ITGB7: variants seen among roughly 807,000 people sequenced by gnomAD.
ITGB7 encodes the protein integrin beta-7.
A neutral mutation model predicts 83.4 loss-of-function variants in ITGB7; 55 were observed. The observed-to-expected ratio is 0.66, with a 90% CI of 0.53 to 0.83. ITGB7 has a LOEUF of 0.83. Among genes scored for constraint, ITGB7 ranks in the 40% least tolerant of loss-of-function variants. ITGB7 has a pLI of 0.00. For synonymous variants in ITGB7, 454 were observed against 423.6 expected, an observed-to-expected ratio of 1.07 and a Z score of -0.88; for missense variants, 921 against 1,046.7, an observed-to-expected ratio of 0.88 and a Z score of 1.66.
In ITGB7 at chr12:53,196,140, G is replaced by A. The variant is rs1565702985; in HGVS notation, c.876C>T (p.Phe292=). 1 of 1,614,178 alleles carries A rather than the reference G, an allele frequency of 6.2e-7. No homozygotes were observed. The highest frequency in any genetic ancestry group is 8.5e-7 in the Non-Finnish European group (1 of 1,180,022). ...RLLVFTSDDT[F]HTAGDGKLGG... ...CCAACTTCCCGTCCCCAGCTGTATG[G>A]AATGTGTCGTCTGAAGTGAACACCA... The change falls in exon 7 of 16, where the codon TTC becomes TTT. Residue 292 remains phenylalanine (F), a synonymous_variant. Transcript: ENST00000267082.
At position 53,194,292 on chromosome 12, in the gene ITGB7, T is replaced by C; in HGVS notation, c.1214A>G (p.His405Arg). The change falls in exon 10 of 16, where the codon CAC becomes CGC. Residue 405 changes from histidine to arginine, a missense_variant. By Grantham distance (29) the His-to-Arg change is conservative. Coordinates refer to ENST00000267082, the MANE Select transcript of ITGB7 (RefSeq NM_000889.3). ...CTCACACTGGGATTCGTAAGAAATG[T>C]GGACCCCAGGAGGGAGTGAAGAGTG... Reference protein sequence around the residue: ...LEHSSLPPGVHISYESQCEGP... With the variant: ...LEHSSLPPGVRISYESQCEGP... 1 of 1,613,966 alleles carries C rather than the reference T, an allele frequency of 6.2e-7. No individual in the cohort carries two copies. The highest frequency in any genetic ancestry group is 1.1e-5 in the South Asian group (1 of 91,062).
intron 11 of ITGB7, 102 bp downstream of exon 11, chr12:53,193,605 CG>C: frequency 9.5e-7 from 1 of 1,052,752 alleles, no homozygotes; most frequent in South Asian, 1.7e-5. Flanking sequence ...GTCGGGATGT[CG>C]AGGAGACTCC....
Position 53,194,326 on chromosome 12 carries a change from T to C in ITGB7, c.1180A>G (p.Thr394Ala), listed in dbSNP as rs948675258. Residue 394 changes from threonine (T) to alanine (A), a missense_variant, in exon 10 of 16, where the codon ACC (threonine) becomes GCC (alanine). Coordinates refer to ENST00000267082, the MANE Select transcript of ITGB7 (RefSeq NM_000889.3). The part of the protein sequence containing the change: ...DAYNSLSSTV[T>A]LEHSSLPPGV... Reference sequence around the variant, plus strand: ...GGAGGGAGTGAAGAGTGTTCAAGGGTCACGGTGGAAGACAGGCTCTATGGG... The same window carrying C: ...GGAGGGAGTGAAGAGTGTTCAAGGGCCACGGTGGAAGACAGGCTCTATGGG... 2 of 1,613,600 alleles carry C rather than the reference T, an allele frequency of 1.2e-6. No individual in the cohort carries two copies. The highest frequency in any genetic ancestry group is 1.7e-6 in the Non-Finnish European group (2 of 1,179,902).
chr12:53,196,008 A>G, intron 7 of ITGB7, 33 bp downstream of exon 7: 1 of 1,608,336 alleles, frequency 6.2e-7, no homozygotes, highest in Non-Finnish European at 8.5e-7. Context: ...TGTGGCTGAA[A>G]TGGGGAGAGG....
chr12:53,196,491 C>A, intron 6 of ITGB7, 88 bp downstream of exon 6: 2 of 1,468,484 alleles, frequency 1.4e-6, no homozygotes, highest in Non-Finnish European at 1.8e-6. Context: ...TGAATGGCAC[C>A]CCCTAGAACT....
At position 53,191,378 on chromosome 12, in the gene ITGB7, T is replaced by A. The variant is rs1159534650; in HGVS notation, c.*178A>T. On this transcript the variant is annotated 3_prime_UTR_variant, in exon 16 of 16. Coordinates refer to ENST00000267082, the MANE Select transcript of ITGB7 (RefSeq NM_000889.3). ...TGGGGTAGCCCAGATGGATGCAAGG[T>A]TGCAGGCATGGGAAGCAGCCCTCTT... 6 of 627,578 alleles carry A rather than the reference T, an allele frequency of 9.6e-6. No individual in the cohort carries two copies. Among genetic ancestry groups the A allele is most frequent in the Non-Finnish European group, 1.7e-5 (6 of 346,734 alleles). The allele number at this position is 627,578 out of a possible 1,614,324, so 38.9% of individuals were successfully genotyped here.
chr12:53,191,922 T>C lies in ITGB7; in HGVS notation c.2253A>G (p.Glu751=). 1 of 1,610,430 alleles carries C rather than the reference T, an allele frequency of 6.2e-7. No individual in the cohort carries two copies. Among genetic ancestry groups the C allele is most frequent in the Non-Finnish European group, 8.5e-7 (1 of 1,179,688 alleles). The part of the protein sequence containing the change: ...GLVLAYRLSV[E]IYDRREYSRF... ...GACTGTATTCCCGGCGGTCATAGAT[T>C]TCCACCGAGAGCCGGTAAGCCAGGA... The change falls in exon 15 of 16, where the codon GAA becomes GAG. Residue 751 remains glutamate (E), a synonymous_variant. Coordinates refer to ENST00000267082, the MANE Select transcript of ITGB7 (RefSeq NM_000889.3).
Position 53,200,377 on chromosome 12 carries a change from C to T in ITGB7, c.67G>A (p.Ala23Thr), listed in dbSNP as rs780163183. The T allele has an allele frequency of 1.4e-5, 22 of 1,614,124 alleles. No individual in the cohort carries two copies. The highest frequency in any genetic ancestry group is 1.1e-4 in the East Asian group (5 of 44,876). The change falls in exon 3 of 16, where the codon GCC (alanine) becomes ACC (threonine). Residue 23 changes from alanine (A) to threonine (T), a missense_variant. Physicochemically the swap from Ala to Thr is moderately conservative, Grantham distance 58 (BLOSUM62 0). Transcript: ENST00000267082. ...GCATCCCCTGTGGATGGGATCTTGG[C>T]GTCCAATTCACTCTCACCTCTGCTC... ...VLSRGESELDAKIPSTGDATE... is the reference protein window; with the variant it reads ...VLSRGESELDTKIPSTGDATE...
chr12:53,194,079 A>AT lies in ITGB7; in HGVS notation c.1308+118_1308+119insA. On this transcript the variant is annotated intron_variant, in intron 10 of 15. Coordinates refer to ENST00000267082, the MANE Select transcript of ITGB7 (RefSeq NM_000889.3). ...AGACTGCTCCAGGAAGGATGGATGGAGGACTACCTCAGGCTCTCATGTCAC... is the reference window on the plus strand; with the variant it reads ...AGACTGCTCCAGGAAGGATGGATGGATGGACTACCTCAGGCTCTCATGTCAC... The AT allele has an allele frequency of 2.1e-6, 3 of 1,449,346 alleles. No homozygotes were observed. In the South Asian group the frequency reaches 3.8e-5, roughly 18 times the overall value. The allele number at this position is 1,449,346 out of a possible 1,614,324, so 89.8% of individuals were successfully genotyped here. A position where few individuals can be genotyped will look rare whatever the true frequency, so the allele number is the denominator to read the frequency against.
intron 3 of ITGB7, among the ~76,000 whole-genome samples, 182 bp downstream of exon 3, chr12:53,200,061 C>G (rs1256702868): frequency 1.3e-5 from 2 of 152,196 alleles, no homozygotes; most frequent in Non-Finnish European, 2.9e-5. Flanking sequence ...TGTGTATGCA[C>G]ACACGTATAT....
chr12:53,192,873 A>G lies in ITGB7; in HGVS notation c.1764T>C (p.His588=), dbSNP rs1942012342. 5 of 1,614,104 alleles carry G rather than the reference A, an allele frequency of 3.1e-6. No homozygotes were observed. Among genetic ancestry groups the G allele is most frequent in the Non-Finnish European group, 4.2e-6 (5 of 1,180,060 alleles). Residue 588 remains histidine (H), a synonymous_variant, in exon 13 of 16, where the codon CAT becomes CAC. Transcript: ENST00000267082. The part of the protein sequence containing the change: ...GRCQCGVCHC[H]ANRTGRACEC... ...CGCATGCTCTGCCCGTGCGGTTGGC[A>G]TGACAGTGACATACTCCACATTGGC... is the stretch of plus-strand genomic sequence containing the variant.
chr12:53,192,527 T>A lies in ITGB7; in HGVS notation c.1958A>T (p.Glu653Val), dbSNP rs536121863. 27 of 1,614,010 alleles carry A rather than the reference T, an allele frequency of 1.7e-5. No individual in the cohort carries two copies. The highest frequency in any genetic ancestry group is 6.7e-5 in the African/African-American group (5 of 75,044). Residue 653 changes from glutamate to valine, a missense_variant, in exon 14 of 16, where the codon GAG becomes GTG. Glu to Val is a moderately radical substitution (Grantham distance 121, BLOSUM62 -2). Coordinates refer to ENST00000267082, the MANE Select transcript of ITGB7 (RefSeq NM_000889.3). ...TPCERHRDCAECGAFRTGPLA... is the reference protein window; with the variant it reads ...TPCERHRDCAVCGAFRTGPLA... Reference sequence around the variant, plus strand: ...TGGGCCAGTCCTGAAGGCCCCACACTCTGCACAGTCCCTGTGTAGTAGATG... The same window carrying A: ...TGGGCCAGTCCTGAAGGCCCCACACACTGCACAGTCCCTGTGTAGTAGATG...
In ITGB7 at chr12:53,197,833, T is replaced by C; in HGVS notation, c.320A>G (p.Gln107Arg). The C allele has an allele frequency of 6.5e-7, 1 of 1,534,200 alleles. No homozygotes were observed. Among genetic ancestry groups the C allele is most frequent in the Admixed American group, 2.0e-5 (1 of 51,052 alleles). Residue 107 changes from glutamine (Q) to arginine (R), a missense_variant, in exon 4 of 16, where the codon CAG becomes CGG. Physicochemically the swap from Gln to Arg is conservative, Grantham distance 43. Transcript: ENST00000267082. Reference protein sequence around the residue: ...EEPRGQQEVLQDQPLSQGARG... With the variant: ...EEPRGQQEVLRDQPLSQGARG... ...GGCGCCCTGGCTGAGCGGCTGGTCC[T>C]GCAGCACCTCCTGCTGGCCGCGGGG...
In ITGB7 at chr12:53,192,672, G is replaced by A. The variant is rs751166511; in HGVS notation, c.1946+19C>T. ...CCCACTGTGCCCCTGCTCCCAAGAT[G>A]CAAGACCTGAGGCCTCACCGGTGTC... is the stretch of plus-strand genomic sequence containing the variant. On this transcript the variant is annotated intron_variant, in intron 13 of 15. Coordinates refer to ENST00000267082, the MANE Select transcript of ITGB7 (RefSeq NM_000889.3). 3.7e-6 allele frequency: 6 copies of A among 1,609,474 alleles called. No homozygotes were observed. The East Asian group carries it at 1.1e-4, about 30-fold the overall frequency.
At chr12:53,200,505 G>A in intron 2 of ITGB7, 59 bp from the exon 3 acceptor site, 1 of 1,452,946 alleles carries the variant, frequency 6.9e-7, no homozygotes, top group East Asian at 2.3e-5. Context: ...CAAACTCTCA[G>A]TCCTCTAAAC....
At position 53,196,777 on chromosome 12, in the gene ITGB7, G is replaced by C; in HGVS notation, c.618C>G (p.Ser206Arg). The C allele has an allele frequency of 6.2e-7, 1 of 1,611,644 alleles. No homozygotes were observed. Among genetic ancestry groups the C allele is most frequent in the Non-Finnish European group, 8.5e-7 (1 of 1,178,022 alleles). Residue 206 changes from serine to arginine, a missense_variant, in exon 6 of 16, where the codon AGC (serine) becomes AGG (arginine). Physicochemically the swap from Ser to Arg is moderately radical, Grantham distance 110. Coordinates refer to ENST00000267082, the MANE Select transcript of ITGB7 (RefSeq NM_000889.3). ...FVDKTVLPFV[S>R]TVPSKLRHPC... ...GGTGGCGCAGTTTGGAGGGTACTGT[G>C]CTCACAAAGGGCAGCACCGTTTTGT...
Position 53,196,155 on chromosome 12 carries a change from A to C in ITGB7, c.861T>G (p.Thr287=). The change falls in exon 7 of 16, where the codon ACT becomes ACG. Residue 287 remains threonine (T), a synonymous_variant. Transcript: ENST00000267082. ...CAGCTGTATGGAATGTGTCGTCTGA[A>C]GTGAACACCAGCAGCCGGGACACAT... ...WRNVSRLLVF[T]SDDTFHTAGD... is the part of the protein sequence containing the mutation. 1.2e-6 allele frequency: 2 copies of C among 1,614,198 alleles called. No homozygotes were observed. The highest frequency in any genetic ancestry group is 1.7e-6 in the Non-Finnish European group (2 of 1,180,026).
intron 3 of ITGB7, 40 bp from the exon 4 acceptor site, chr12:53,197,991 A>T: frequency 6.7e-7 from 1 of 1,502,158 alleles, no homozygotes; most frequent in Non-Finnish European, 8.9e-7. Context: ...CCGGTCCTGC[A>T]TAGGCCCTGG....
chr12:53,192,343 C>A lies in ITGB7; in HGVS notation c.2142G>T (p.Val714=). 6.2e-7 allele frequency: 1 copy of A among 1,614,088 alleles called. No individual in the cohort carries two copies. The highest frequency in any genetic ancestry group is 8.5e-7 in the Non-Finnish European group (1 of 1,180,016). Residue 714 remains valine, a synonymous_variant, in exon 14 of 16, where the codon GTG becomes GTT. Transcript: ENST00000267082. The part of the protein sequence containing the change: ...DDARGTVVLR[V]RPQEKGADHT... ...CTGCCCACTTACTTTCTTGGGGTCT[C>A]ACTCTGAGCACGACCGTGCCTCTGG...
Sources: allele counts gnomAD v4.1 joint callset (sites outside exome capture counted in the v4.1 genomes callset), GRCh38; gene constraint gnomAD v4.1.1; transcripts MANE v1.5; gene names NCBI Gene and HGNC (gene_info 2026-07-23, HGNC 2026-07-21).